PHEX: variants seen among roughly 807,000 people sequenced by gnomAD.
The protein encoded by PHEX is phosphate regulating endopeptidase X-linked.
A neutral mutation model predicts 68.0 loss-of-function variants in PHEX; 16 were observed. That is an observed-to-expected ratio of 0.24 (90% CI 0.16 to 0.36). The LOEUF (loss-of-function observed/expected upper bound fraction) is 0.36. PHEX is among the 10% of genes least tolerant of loss of function. PHEX has a pLI of 1.00. For missense variants in PHEX, 480 were observed against 575.5 expected, an observed-to-expected ratio of 0.83 and a Z score of 1.70; for synonymous variants, 208 against 205.1, an observed-to-expected ratio of 1.01 and a Z score of -0.12.
In PHEX at chrX:22,152,879, T is replaced by A. The variant is rs1325412516; in HGVS notation, c.1405-15433T>A. On this transcript the variant is annotated intron_variant, in intron 12 of 21. Coordinates refer to ENST00000379374, the MANE Select transcript of PHEX (RefSeq NM_000444.6). Reference sequence around the variant, plus strand: ...TATTTGTGCACTTTGTACGATATAGTGCAGTAAAAATTTTAAAAGATGTTT... The same window carrying A: ...TATTTGTGCACTTTGTACGATATAGAGCAGTAAAAATTTTAAAAGATGTTT... Among the ~76,000 whole-genome samples, 5 of 112,222 alleles carry A rather than the reference T, an allele frequency of 4.5e-5. No individual in the cohort carries two copies. In the East Asian group the frequency reaches 1.4e-3, roughly 31 times the overall value.
intron 3 of PHEX, among the ~76,000 whole-genome samples, chrX:22,060,972 C>A (rs1928335018): frequency 8.9e-6 from 1 of 112,017 alleles, no homozygotes; most frequent in Admixed American, 9.5e-5. Context: ...AAAATCCTAG[C>A]TGGCTTTGGT....
At chrX:22,135,438 G>T (rs180692255) in intron 12 of PHEX, among the ~76,000 whole-genome samples, 2 of 109,205 alleles carry the variant, frequency 1.8e-5, no homozygotes, top group Non-Finnish European at 3.8e-5. Context: ...CACATGAACC[G>T]AAGAGGTGCT....
At chrX:22,094,949 T>C (rs761742962) in intron 7 of PHEX, among the ~76,000 whole-genome samples, 1 of 112,072 alleles carries the variant, frequency 8.9e-6, no homozygotes, top group Non-Finnish European at 1.9e-5. Flanking sequence ...GGAAACCCTG[T>C]AGTGAAAAAA....
At chrX:22,087,405 G>A (rs959051152) in intron 5 of PHEX, among the ~76,000 whole-genome samples, 1 of 111,057 alleles carries the variant, frequency 9.0e-6, no homozygotes, top group Admixed American at 9.7e-5. Flanking sequence ...ATGAGAGAGG[G>A]TTGAACAAAA....
chrX:22,108,642 A>G lies in PHEX; in HGVS notation c.1080-2825A>G, dbSNP rs1003287392. ...ACCCTCACTGGCTTGTTTTCATTCA[A>G]TATATTAAAAATAATCTCAGCTGAT... is the stretch of plus-strand genomic sequence containing the variant. On this transcript the variant is annotated intron_variant, in intron 9 of 21. Transcript: ENST00000379374. Among the ~76,000 whole-genome samples, 21 of 112,006 alleles carry G rather than the reference A, an allele frequency of 1.9e-4. No individual in the cohort carries two copies. The Admixed American group carries it at 2.0e-3, about 11-fold the overall frequency.
chrX:22,040,023 C>T (rs1312765740), intron 2 of PHEX, among the ~76,000 whole-genome samples: 4 of 111,594 alleles, frequency 3.6e-5, no homozygotes, highest in African/African-American at 9.8e-5. Context: ...ACACCGAAAG[C>T]GGCGGTGGGG....
At chrX:22,209,734 T>TCTC (rs1934839010) in intron 15 of PHEX, among the ~76,000 whole-genome samples, 1 of 80,383 alleles carries the variant, frequency 1.2e-5, no homozygotes, top group African/African-American at 5.0e-5. Context: ...CTGCTCCCTC[T>TCTC]GCTCCCTCTG....
intron 12 of PHEX, among the ~76,000 whole-genome samples, chrX:22,151,857 C>A (rs1932860396): frequency 9.0e-6 from 1 of 111,204 alleles, no homozygotes; most frequent in Admixed American, 9.7e-5. Context: ...CACCGATGTC[C>A]AGAACAGAAA....
chrX:22,033,809 T>C (rs887170773), intron 1 of PHEX, among the ~76,000 whole-genome samples: 2 of 112,111 alleles, frequency 1.8e-5, no homozygotes, highest in African/African-American at 6.5e-5. Context: ...AAGAATCAAA[T>C]ATCTTGGAAA....
chrX:22,164,787 C>T (rs1415167473), intron 12 of PHEX, among the ~76,000 whole-genome samples: 3 of 112,071 alleles, frequency 2.7e-5, no homozygotes, highest in South Asian at 3.6e-4. Context: ...AATACAATGC[C>T]GGAAATAATA....
chrX:22,039,273 ATC>A (rs1927166477), intron 2 of PHEX, among the ~76,000 whole-genome samples: 1 of 112,550 alleles, frequency 8.9e-6, no homozygotes, highest in Non-Finnish European at 1.9e-5. Flanking sequence ...CCGGCTGGGA[ATC>A]TCTTTTTTCT....
Position 22,105,562 on chromosome X carries a change from G to C in PHEX, c.1080-5905G>C, listed in dbSNP as rs140430293. On this transcript the variant is annotated intron_variant, in intron 9 of 21. Coordinates refer to ENST00000379374, the MANE Select transcript of PHEX (RefSeq NM_000444.6). ...AGCCTGTAGGAAGATCTCTGGCTTT[G>C]AGAACCTTTAAGAAGAGCCTCTGTG... is the stretch of plus-strand genomic sequence containing the variant. Among the ~76,000 whole-genome samples, 15 of 111,754 alleles carry C rather than the reference G, an allele frequency of 1.3e-4. No individual in the cohort carries two copies. In the East Asian group the frequency reaches 4.2e-3, roughly 32 times the overall value.
At chrX:22,113,042 TG>T (rs1931059221) in intron 10 of PHEX, among the ~76,000 whole-genome samples, 2 of 106,514 alleles carry the variant, frequency 1.9e-5, no homozygotes, top group Non-Finnish European at 3.8e-5. Flanking sequence ...TGTGTGTGTG[TG>T]TGTGTGTGTG....
intron 15 of PHEX, among the ~76,000 whole-genome samples, chrX:22,206,800 G>A (rs1279877962): frequency 9.0e-6 from 1 of 111,315 alleles, no homozygotes; most frequent in Non-Finnish European, 1.9e-5. Context: ...TTTTCTTGAG[G>A]TCTGAGCTGT....
Position 22,108,384 on chromosome X carries a change from TA to T in PHEX, c.1080-3076del, listed in dbSNP as rs1156345799. Among the ~76,000 whole-genome samples the T allele has an allele frequency of 5.4e-5, 6 of 111,132 alleles. 1 individual carries two copies. The highest frequency in any genetic ancestry group is 1.1e-4 in the Non-Finnish European group (6 of 53,043). ...GGGAGGGTAGGAAGGGGATGAGGCA[TA>T]AAAAAACTATAGATTGGATCCAGTG... On this transcript the variant is annotated intron_variant, in intron 9 of 21. Coordinates refer to ENST00000379374, the MANE Select transcript of PHEX (RefSeq NM_000444.6).
At chrX:22,131,868 G>C (rs2147084207) in intron 11 of PHEX, among the ~76,000 whole-genome samples, 1 of 111,067 alleles carries the variant, frequency 9.0e-6, no homozygotes, top group South Asian at 3.9e-4. Context: ...GATTTCGAGG[G>C]GTTTGTATCC....
At chrX:22,082,993 G>A (rs929059252) in intron 5 of PHEX, among the ~76,000 whole-genome samples, 6 of 111,452 alleles carry the variant, frequency 5.4e-5, no homozygotes, top group Admixed American at 4.8e-4. Flanking sequence ...CAGTGTGGCC[G>A]GTACAACTAC....
In PHEX at chrX:22,062,721, T is replaced by TG. The variant is rs199711440; in HGVS notation, c.350-13667_350-13666insG. 6.7e-3 allele frequency among the ~76,000 whole-genome samples: 744 copies of TG among 111,035 alleles called. 3 individuals are homozygous for TG. The highest frequency in any genetic ancestry group is 0.018 in the Middle Eastern group (4 of 218). The stretch of plus-strand genomic sequence containing the variant: ...CCCATTCTCAGAGATTCTCATGGAA[T>TG]TGATCTGGGGTGCTGCTTGGGTGTT... On this transcript the variant is annotated intron_variant, in intron 3 of 21. Transcript: ENST00000379374.
chrX:22,121,238 A>C (rs1235384580), intron 11 of PHEX, among the ~76,000 whole-genome samples: 3 of 112,382 alleles, frequency 2.7e-5, no homozygotes, highest in African/African-American at 9.7e-5. Flanking sequence ...CTCTAAATAC[A>C]GCAAAGATAG....
Sources: allele counts gnomAD v4.1 joint callset (sites outside exome capture counted in the v4.1 genomes callset), GRCh38; gene constraint gnomAD v4.1.1; transcripts MANE v1.5; gene names NCBI Gene and HGNC (gene_info 2026-07-23, HGNC 2026-07-21).